Variants in MCUB observed in about 807,000 individuals in gnomAD.
The protein encoded by MCUB is calcium uniporter regulatory subunit MCUb, mitochondrial.
In MCUB, 46 loss-of-function variants were observed where a neutral mutation model predicts 41.4. That is an observed-to-expected ratio of 1.11 (90% CI 0.88 to 1.42). The LOEUF is 1.42. Ranked by LOEUF, MCUB falls within the 40% of genes most tolerant of loss-of-function variation. The pLI is 0.00. For synonymous variants in MCUB, 148 were observed against 148.2 expected (o/e 1.00, Z 0.01); for missense variants, 403 against 404.9 (o/e 1.00, Z 0.04).
At chr4:109,580,987 TC>T (rs1579048353) in intron 1 of MCUB, among the ~76,000 whole-genome samples, 2 of 152,280 alleles carry the variant, frequency 1.3e-5, no homozygotes, top group East Asian at 3.9e-4. Context: ...GCCATCCCCA[TC>T]AATCTACCAA....
chr4:109,683,756 T>C (rs924328888), intron 5 of MCUB, among the ~76,000 whole-genome samples: 1 of 152,218 alleles, frequency 6.6e-6, no homozygotes, highest in African/African-American at 2.4e-5. Flanking sequence ...CTATTGAGAA[T>C]GAATCTGTAA....
At chr4:109,594,459 C>T (rs1322991348) in intron 1 of MCUB, among the ~76,000 whole-genome samples, 1 of 152,146 alleles carries the variant, frequency 6.6e-6, no homozygotes, top group African/African-American at 2.4e-5. Flanking sequence ...CAGGGAGGAC[C>T]AGCCTGGCCA....
chr4:109,567,400 A>G (rs1579041314), intron 1 of MCUB, among the ~76,000 whole-genome samples: 2 of 152,190 alleles, frequency 1.3e-5, no homozygotes, highest in South Asian at 4.1e-4. Flanking sequence ...CATGTACAGT[A>G]CATACATGTT....
At chr4:109,589,855 A>T (rs1288517863) in intron 1 of MCUB, among the ~76,000 whole-genome samples, 5 of 152,224 alleles carry the variant, frequency 3.3e-5, no homozygotes, top group African/African-American at 1.2e-4. Flanking sequence ...CTGCCTGACC[A>T]TGCAGGAATC....
chr4:109,579,941 G>A (rs141552012), intron 1 of MCUB, among the ~76,000 whole-genome samples: 2,196 of 152,242 alleles, frequency 0.014, 60 homozygotes, highest in African/African-American at 0.05. Context: ...CGTGCAGTTT[G>A]TTACATAGGT....
chr4:109,607,055 T>C (rs1727892251), intron 1 of MCUB, among the ~76,000 whole-genome samples: 1 of 152,136 alleles, frequency 6.6e-6, no homozygotes, highest in Non-Finnish European at 1.5e-5. Context: ...TCCATAGTTA[T>C]TATTTTTTAT....
At chr4:109,581,154 A>G (rs747168271) in intron 1 of MCUB, among the ~76,000 whole-genome samples, 33 of 152,202 alleles carry the variant, frequency 2.2e-4, no homozygotes, top group Non-Finnish European at 4.6e-4. Context: ...AGTAACCAAA[A>G]CAGCATGGTA....
intron 1 of MCUB, among the ~76,000 whole-genome samples, chr4:109,658,293 G>A (rs1729149154): frequency 6.6e-6 from 1 of 151,848 alleles, no homozygotes; most frequent in Admixed American, 6.6e-5. Flanking sequence ...CTGAATCTGT[G>A]ATTCTGCATT....
intron 4 of MCUB, among the ~76,000 whole-genome samples, chr4:109,665,939 G>A (rs1036892225): frequency 6.6e-6 from 1 of 151,678 alleles, no homozygotes; most frequent in Non-Finnish European, 1.5e-5. Flanking sequence ...AGTGAAAAAA[G>A]GGGGAGAGTG....
At chr4:109,594,306 T>C (rs1051754293) in intron 1 of MCUB, among the ~76,000 whole-genome samples, 4 of 152,312 alleles carry the variant, frequency 2.6e-5, no homozygotes, top group Admixed American at 2.0e-4. Context: ...AGGGTTACAG[T>C]GGGGTCCAGT....
At position 109,571,028 on chromosome 4, in the gene MCUB, A is replaced by G. The variant is rs1260486956; in HGVS notation, c.99+10592A>G. 3.9e-5 allele frequency among the ~76,000 whole-genome samples: 6 copies of G among 152,348 alleles called. 1 individual carries two copies. In the East Asian group the frequency reaches 7.7e-4, roughly 20 times the overall value. On this transcript the variant is annotated intron_variant, in intron 1 of 7. Transcript: ENST00000394650. ...GAGTCAGTAGTGAGTTGCATTTCCT[A>G]TGAGAGAAGTGACATGATGGATGAA...
chr4:109,587,532 C>T (rs140683979), intron 1 of MCUB, among the ~76,000 whole-genome samples: 2,902 of 152,330 alleles, frequency 0.019, 93 homozygotes, highest in African/African-American at 0.067. Flanking sequence ...AATCACCCGT[C>T]TTCTGCGTCA....
At chr4:109,672,413 T>A (rs1009210828) in intron 4 of MCUB, among the ~76,000 whole-genome samples, 3 of 152,204 alleles carry the variant, frequency 2.0e-5, no homozygotes, top group Non-Finnish European at 4.4e-5. Flanking sequence ...TCAATGCTAG[T>A]TTACACTGAG....
intron 1 of MCUB, among the ~76,000 whole-genome samples, chr4:109,598,368 G>A (rs140078634): frequency 0.13 from 20,181 of 152,164 alleles, 1,609 homozygotes; most frequent in South Asian, 0.21. Flanking sequence ...CGAGGCTGGC[G>A]GATCACTCGC....
intron 1 of MCUB, among the ~76,000 whole-genome samples, chr4:109,569,451 A>C (rs2126124064): frequency 6.6e-6 from 1 of 151,754 alleles, no homozygotes; most frequent in South Asian, 2.1e-4. Flanking sequence ...ACAAAATATA[A>C]ATTCTGGAAG....
At position 109,611,658 on chromosome 4, in the gene MCUB, G is replaced by C. The variant is rs547847453; in HGVS notation, c.100-47353G>C. Among the ~76,000 whole-genome samples, 7 of 152,146 alleles carry C rather than the reference G, an allele frequency of 4.6e-5. No homozygotes were observed. In the East Asian group the frequency reaches 1.4e-3, roughly 29 times the overall value. ...TACAAGTGAGGATTTTTCAAAATTA[G>C]GACCAAACCTCACAGTAGTTCAAAT... is the stretch of plus-strand genomic sequence containing the variant. On this transcript the variant is annotated intron_variant, in intron 1 of 7. Transcript: ENST00000394650.
intron 1 of MCUB, among the ~76,000 whole-genome samples, chr4:109,584,341 T>C (rs935092764): frequency 5.3e-5 from 8 of 152,216 alleles, no homozygotes; most frequent in Non-Finnish European, 1.0e-4. Context: ...CTTCTCTCTC[T>C]TCTTCTTTAT....
chr4:109,593,951 A>G (rs1392782957), intron 1 of MCUB, among the ~76,000 whole-genome samples: 1 of 152,214 alleles, frequency 6.6e-6, no homozygotes, highest in Non-Finnish European at 1.5e-5. Context: ...CGGATGCTAT[A>G]TAGTCCAGTC....
At chr4:109,590,088 T>C (rs978708432) in intron 1 of MCUB, among the ~76,000 whole-genome samples, 1 of 152,234 alleles carries the variant, frequency 6.6e-6, no homozygotes, top group African/African-American at 2.4e-5. Context: ...ATCTGTTTCA[T>C]TTTTGTTATT....
Sources: allele counts gnomAD v4.1 joint callset (sites outside exome capture counted in the v4.1 genomes callset), GRCh38; gene constraint gnomAD v4.1.1; transcripts MANE v1.5; gene names NCBI Gene and HGNC (gene_info 2026-07-23, HGNC 2026-07-21).